Variants in WASL observed in about 807,000 individuals in gnomAD.
WASL encodes the protein WASP like actin nucleation promoting factor.
In WASL, 20 loss-of-function variants were observed where a neutral mutation model predicts 55.5. That is an observed-to-expected ratio of 0.36 (90% CI 0.25 to 0.52). The LOEUF is 0.52. Ranked by LOEUF, WASL falls within the 20% of genes least tolerant of loss-of-function variation. WASL has a pLI of 0.92. For missense variants in WASL, 504 were observed against 622.5 expected (o/e 0.81, Z 2.03); for synonymous variants, 249 against 217.6 (o/e 1.14, Z -1.27).
At chr7:123,747,966 C>G (rs1011802433) in intron 1 of WASL, among the ~76,000 whole-genome samples, 9 of 152,066 alleles carry the variant, frequency 5.9e-5, no homozygotes, top group African/African-American at 1.9e-4. Flanking sequence ...GCAGCACCCC[C>G]TCCCACCAAT....
rs1803681547 is a variant in WASL, at chr7:123,706,924, A to T, written c.253-98T>A. On this transcript the variant is annotated intron_variant, in intron 2 of 10. Coordinates refer to ENST00000223023, the MANE Select transcript of WASL (RefSeq NM_003941.4). The stretch of plus-strand genomic sequence containing the variant: ...TCATATTAAGAAAACTGTTTATATT[A>T]AAAATAACTTTTAATGCACACATGT... The T allele has an allele frequency of 4.8e-6, 3 of 622,862 alleles. No individual in the cohort carries two copies. The East Asian group carries it at 9.7e-5, about 20-fold the overall frequency. The allele number at this position is 622,862 out of a possible 1,614,324, so 38.6% of individuals were successfully genotyped here. A position where few individuals can be genotyped will look rare whatever the true frequency, so the allele number is the denominator to read the frequency against.
At chr7:123,726,787 A>G (rs569227584) in intron 1 of WASL, among the ~76,000 whole-genome samples, 1 of 152,162 alleles carries the variant, frequency 6.6e-6, no homozygotes, top group Admixed American at 6.5e-5. Flanking sequence ...AATCACTTGA[A>G]CCCATGAGGC....
At chr7:123,716,068 CCT>C (rs1347126996) in intron 1 of WASL, among the ~76,000 whole-genome samples, 1 of 152,072 alleles carries the variant, frequency 6.6e-6, no homozygotes, top group East Asian at 1.9e-4. Context: ...AGGAGTTTTT[CCT>C]CTCTCTTCTG....
intron 4 of WASL, 103 bp from the exon 5 acceptor site, chr7:123,704,760 G>A (rs1314315928): frequency 1.3e-5 from 9 of 695,450 alleles, no homozygotes; most frequent in South Asian, 1.3e-4. Context: ...ATTGACATAC[G>A]TGTGACTAAG....
intron 1 of WASL, among the ~76,000 whole-genome samples, chr7:123,747,215 A>G (rs1804448003): frequency 6.6e-6 from 1 of 152,188 alleles, no homozygotes; most frequent in Admixed American, 6.5e-5. Flanking sequence ...TGGTTACATT[A>G]TTAAATTGCT....
intron 1 of WASL, among the ~76,000 whole-genome samples, chr7:123,726,032 C>A (rs1249240683): frequency 1.3e-5 from 2 of 152,142 alleles, no homozygotes; most frequent in Non-Finnish European, 2.9e-5. Flanking sequence ...AAAGGTCTTG[C>A]AAAGCCAGTA....
chr7:123,731,898 A>G (rs1045936251), intron 1 of WASL, among the ~76,000 whole-genome samples: 3 of 152,140 alleles, frequency 2.0e-5, no homozygotes, highest in Non-Finnish European at 4.4e-5. Flanking sequence ...AGATGAAAAG[A>G]AAAAAAGAAT....
chr7:123,728,810 T>C (rs1804094628), intron 1 of WASL, among the ~76,000 whole-genome samples: 2 of 152,194 alleles, frequency 1.3e-5, no homozygotes, highest in Non-Finnish European at 1.5e-5. Context: ...CACTCCAGCC[T>C]GGGCAACTCC....
chr7:123,744,867 A>T (rs552654237), intron 1 of WASL, among the ~76,000 whole-genome samples: 6 of 152,202 alleles, frequency 3.9e-5, no homozygotes, highest in African/African-American at 9.6e-5. Flanking sequence ...TTCTCCCTTC[A>T]TAATACTACC....
chr7:123,743,700 G>C (rs1296983169), intron 1 of WASL, among the ~76,000 whole-genome samples: 3 of 152,124 alleles, frequency 2.0e-5, no homozygotes, highest in African/African-American at 7.2e-5. Flanking sequence ...CAAACTCCCA[G>C]AATACTTTGT....
At chr7:123,732,587 A>G (rs114807631) in intron 1 of WASL, among the ~76,000 whole-genome samples, 1 of 152,340 alleles carries the variant, frequency 6.6e-6, no homozygotes, top group African/African-American at 2.4e-5. Context: ...AAAACACCAT[A>G]GCAGATGGTT....
chr7:123,740,274 C>T (rs747082405), intron 1 of WASL, among the ~76,000 whole-genome samples: 6 of 151,626 alleles, frequency 4.0e-5, no homozygotes, highest in Non-Finnish European at 7.4e-5. Flanking sequence ...TCTGTATTTA[C>T]CTCTTCAACA....
intron 1 of WASL, chr7:123,720,266 T>A: frequency 2.4e-6 from 1 of 420,994 alleles, no homozygotes; most frequent in East Asian, 7.0e-5. Context: ...ATTACTCGAA[T>A]ATTTTGGTCA....
intron 1 of WASL, among the ~76,000 whole-genome samples, chr7:123,736,666 T>C (rs896822994): frequency 2.0e-5 from 3 of 152,130 alleles, no homozygotes; most frequent in Non-Finnish European, 4.4e-5. Flanking sequence ...GGGTATTATT[T>C]TGCACTTCAA....
intron 6 of WASL, 140 bp from the exon 7 acceptor site, chr7:123,696,005 T>C: frequency 1.4e-6 from 1 of 692,930 alleles, no homozygotes; most frequent in Non-Finnish European, 2.4e-6. Flanking sequence ...AACCATATTG[T>C]GATAAAAACT....
In WASL at chr7:123,682,404, CTTCTTT is replaced by C. The variant is rs1038438955; in HGVS notation, c.*2109_*2114del. 22 of 151,898 alleles carry C rather than the reference CTTCTTT, an allele frequency of 1.4e-4. No individual in the cohort carries two copies. Among genetic ancestry groups the C allele is most frequent in the Non-Finnish European group, 2.9e-4 (20 of 67,978 alleles). 9.4% of individuals were successfully genotyped at this position (151,898 alleles called of 1,614,324 possible). On this transcript the variant is annotated 3_prime_UTR_variant, in exon 11 of 11. Coordinates refer to ENST00000223023, the MANE Select transcript of WASL (RefSeq NM_003941.4). ...TTGTAACAACAACCAATGTCTTTTT[CTTCTTT>C]AAGAAAAAAAGAATAAATTAATTAC...
At chr7:123,714,970 G>T (rs970552106) in intron 1 of WASL, among the ~76,000 whole-genome samples, 1 of 152,120 alleles carries the variant, frequency 6.6e-6, no homozygotes, top group Non-Finnish European at 1.5e-5. Context: ...AAAGTTTGGT[G>T]AACTGTGTGG....
At chr7:123,687,663 C>G (rs1191618401) in intron 10 of WASL, among the ~76,000 whole-genome samples, 1 of 152,062 alleles carries the variant, frequency 6.6e-6, no homozygotes, top group Non-Finnish European at 1.5e-5. Flanking sequence ...CTTCATGTCA[C>G]CATTTAACAT....
At chr7:123,724,465 A>G (rs1184329209) in intron 1 of WASL, among the ~76,000 whole-genome samples, 1 of 152,134 alleles carries the variant, frequency 6.6e-6, no homozygotes, top group Non-Finnish European at 1.5e-5. Context: ...TATTCTCATA[A>G]TATTTCATTT....
Sources: allele counts gnomAD v4.1 joint callset (sites outside exome capture counted in the v4.1 genomes callset), GRCh38; gene constraint gnomAD v4.1.1; transcripts MANE v1.5; gene names NCBI Gene and HGNC (gene_info 2026-07-23, HGNC 2026-07-21).